The following TENM4 variants were observed in gnomAD, a reference collection of about 807,000 sequenced individuals.
TENM4 encodes the protein teneurin transmembrane protein 4.
In TENM4, 82 loss-of-function variants were observed where a neutral mutation model predicts 243.3. The observed-to-expected ratio is 0.34, with a 90% CI of 0.28 to 0.40. The LOEUF (loss-of-function observed/expected upper bound fraction) is 0.40. Ranked by LOEUF, TENM4 falls within the 10% of genes least tolerant of loss-of-function variation. TENM4 has a pLI of 1.00. For missense variants in TENM4, 3,138 were observed against 3,673.3 expected (o/e 0.85, Z 3.77); for synonymous variants, 1,412 against 1,456.3 (o/e 0.97, Z 0.69).
intron 6 of TENM4, among the ~76,000 whole-genome samples, chr11:78,941,020 T>G (rs1429939840): frequency 1.3e-5 from 2 of 151,946 alleles, no homozygotes; most frequent in African/African-American, 4.8e-5. Context: ...AGTGAAAGAG[T>G]GAACAAACAT....
chr11:79,360,770 G>T (rs1414749409), intron 1 of TENM4, among the ~76,000 whole-genome samples: 1 of 152,120 alleles, frequency 6.6e-6, no homozygotes, highest in Non-Finnish European at 1.5e-5. Flanking sequence ...GTTATATACT[G>T]AGCGATCATC....
chr11:78,985,004 C>A (rs1210028940), intron 6 of TENM4, among the ~76,000 whole-genome samples: 1 of 152,078 alleles, frequency 6.6e-6, no homozygotes, highest in African/African-American at 2.4e-5. Context: ...GAATCCTGGC[C>A]CTACCACTTA....
intron 15 of TENM4, among the ~76,000 whole-genome samples, chr11:78,800,547 T>A (rs1481049960): frequency 6.6e-6 from 1 of 152,110 alleles, no homozygotes; most frequent in Non-Finnish European, 1.5e-5. Context: ...TGTCGGGTAG[T>A]GTGCTGGGAT....
At chr11:79,435,198 C>A (rs921872672) in intron 1 of TENM4, among the ~76,000 whole-genome samples, 2 of 151,584 alleles carry the variant, frequency 1.3e-5, no homozygotes, top group Non-Finnish European at 2.9e-5. Flanking sequence ...CTACAGTGAG[C>A]ACATATTACT....
chr11:78,750,873 G>GTC (rs1555075439), intron 19 of TENM4, among the ~76,000 whole-genome samples: 2 of 150,672 alleles, frequency 1.3e-5, no homozygotes, highest in South Asian at 2.1e-4. Flanking sequence ...GTGTGTGTGT[G>GTC]TGTGTGTCTG....
chr11:78,936,564 G>A (rs1856788937), intron 6 of TENM4, among the ~76,000 whole-genome samples: 1 of 152,164 alleles, frequency 6.6e-6, no homozygotes, highest in African/African-American at 2.4e-5. Flanking sequence ...TATTTACCAA[G>A]TACCTAAATA....
intron 4 of TENM4, among the ~76,000 whole-genome samples, chr11:79,127,672 A>G (rs1190081339): frequency 4.6e-5 from 7 of 152,224 alleles, no homozygotes; most frequent in African/African-American, 1.7e-4. Flanking sequence ...TTGCTTCAGC[A>G]GGATATCACA....
intron 25 of TENM4, among the ~76,000 whole-genome samples, chr11:78,715,470 G>A (rs1859500560): frequency 6.6e-6 from 1 of 152,182 alleles, no homozygotes; most frequent in Non-Finnish European, 1.5e-5. Flanking sequence ...TCCCTGCACT[G>A]CTCCAGAGAA....
chr11:78,836,075 G>C (rs939744742), intron 12 of TENM4, among the ~76,000 whole-genome samples: 6 of 152,218 alleles, frequency 3.9e-5, no homozygotes, highest in Non-Finnish European at 7.3e-5. Context: ...TTTCAGGGTT[G>C]GGGGCAGTAT....
intron 2 of TENM4, among the ~76,000 whole-genome samples, chr11:79,220,579 G>T (rs1352740788): frequency 6.6e-6 from 1 of 152,190 alleles, no homozygotes; most frequent in African/African-American, 2.4e-5. Context: ...CATGGGCATT[G>T]CTTTCTCAGG....
In TENM4 at chr11:79,069,768, G is replaced by C; in HGVS notation, c.177C>G (p.Arg59=). Residue 59 remains arginine, a synonymous_variant, in exon 5 of 34, where the codon CGC becomes CGG. Transcript: ENST00000278550. ...DQDARLAYGS[R]VKDIVPQEAE... is the part of the protein sequence containing the mutation. ...CCTCCTGCGGCACAATGTCCTTGAC[G>C]CGGCTGCCATAGGCTAGGCGGGCGT... 1 of 1,551,218 alleles carries C rather than the reference G, an allele frequency of 6.4e-7. No individual in the cohort carries two copies.
In TENM4 at chr11:78,850,059, C is replaced by T. The variant is rs572141189; in HGVS notation, c.1681+4045G>A. On this transcript the variant is annotated intron_variant, in intron 12 of 33. Transcript: ENST00000278550. ...TTCTAAAACTTGCTTGGTTTCAGTG[C>T]TCTGTGTGTGTGTGTGTGTGTGTGT... 6.3e-4 allele frequency among the ~76,000 whole-genome samples: 73 copies of T among 115,290 alleles called. 1 individual carries two copies. The Middle Eastern group carries it at 0.015, about 23-fold the overall frequency. 75.6% of individuals were successfully genotyped at this position (115,290 alleles called of 152,430 possible).
At chr11:79,088,267 G>A (rs11237710) in intron 4 of TENM4, among the ~76,000 whole-genome samples, 9,010 of 152,222 alleles carry the variant, frequency 0.059, 394 homozygotes, top group East Asian at 0.24. Context: ...TCTGCTGGCC[G>A]GCAATGGTCC....
chr11:79,370,497 GA>G (rs1329040134), intron 1 of TENM4, among the ~76,000 whole-genome samples: 1 of 152,076 alleles, frequency 6.6e-6, no homozygotes, highest in African/African-American at 2.4e-5. Flanking sequence ...TTAAAAAATA[GA>G]AAATTTAATT....
At chr11:78,845,472 G>A (rs1017345223) in intron 12 of TENM4, among the ~76,000 whole-genome samples, 4 of 152,018 alleles carry the variant, frequency 2.6e-5, no homozygotes, top group Non-Finnish European at 4.4e-5. Context: ...TCCTTTCCTC[G>A]GACCACACCA....
In TENM4 at chr11:78,981,603, C is replaced by T. The variant is rs544089660; in HGVS notation, c.494-78080G>A. ...GGGGTTCCCTGGACGGGGAATCATC[C>T]GGACACAATGCCTGGGACTGTAGCA... On this transcript the variant is annotated intron_variant, in intron 6 of 33. Transcript: ENST00000278550. Among the ~76,000 whole-genome samples, 13 of 152,266 alleles carry T rather than the reference C, an allele frequency of 8.5e-5. No homozygotes were observed. The East Asian group carries it at 1.9e-3, about 23-fold the overall frequency.
rs368203641 is a variant in TENM4 at position 79,416,827 on chromosome 11, G to A, written c.-321+23682C>T. Reference sequence around the variant, plus strand: ...AACACTGCTTTTGCGCAAAGCTTGCGTCTTCTATCTCAGGTACAGTTAGGA... The same window carrying A: ...AACACTGCTTTTGCGCAAAGCTTGCATCTTCTATCTCAGGTACAGTTAGGA... On this transcript the variant is annotated intron_variant, in intron 1 of 33. Transcript: ENST00000278550. Among the ~76,000 whole-genome samples the A allele has an allele frequency of 1.5e-4, 23 of 151,700 alleles. 1 individual carries two copies. Among genetic ancestry groups the A allele is most frequent in the East Asian group, 1.2e-3 (6 of 5,152 alleles).
At chr11:79,250,052 C>T (rs766812559) in intron 2 of TENM4, among the ~76,000 whole-genome samples, 8 of 152,218 alleles carry the variant, frequency 5.3e-5, no homozygotes, top group Non-Finnish European at 1.0e-4. Context: ...ATGGCGTGAT[C>T]TCAGCTCACT....
At chr11:79,130,152 C>A (rs1036496702) in intron 4 of TENM4, among the ~76,000 whole-genome samples, 1 of 152,076 alleles carries the variant, frequency 6.6e-6, no homozygotes, top group African/African-American at 2.4e-5. Context: ...CATTGCAGTT[C>A]GGCTTACAGG....
Sources: allele counts gnomAD v4.1 joint callset (sites outside exome capture counted in the v4.1 genomes callset), GRCh38; gene constraint gnomAD v4.1.1; transcripts MANE v1.5; gene names NCBI Gene and HGNC (gene_info 2026-07-23, HGNC 2026-07-21).